FGF17: variants seen among roughly 807,000 people sequenced by gnomAD.
FGF17 encodes the protein fibroblast growth factor 17.
FGF17 carries 5 observed loss-of-function variants against 23.5 expected under a neutral mutation model. That is an observed-to-expected ratio of 0.21 (90% CI 0.11 to 0.45). The LOEUF (loss-of-function observed/expected upper bound fraction) is 0.45, where lower values mean the gene tolerates loss of function less well. FGF17 is among the 20% of genes least tolerant of loss of function. The probability of loss-of-function intolerance (pLI) is 0.99; values close to 1 mark genes in which losing one functional copy is unlikely to be tolerated. For missense variants in FGF17, 221 were observed against 306.9 expected (o/e 0.72, Z 2.09); for synonymous variants, 136 against 123.0 (o/e 1.11, Z -0.70).
At chr8:22,043,600 A>T (rs75166513) in intron 2 of FGF17, among the ~76,000 whole-genome samples, 6 of 152,212 alleles carry the variant, frequency 3.9e-5, no homozygotes, top group Admixed American at 2.0e-4. Flanking sequence ...ATCAATATGG[A>T]TGCCTGGGGT....
chr8:22,048,264 G>T lies in FGF17; in HGVS notation c.*15G>T. 1 of 1,577,890 alleles carries T rather than the reference G, an allele frequency of 6.3e-7. No individual in the cohort carries two copies. Among genetic ancestry groups the T allele is most frequent in the Non-Finnish European group, 8.6e-7 (1 of 1,160,472 alleles). ...CCCTCACGTAGTCTGGGAGGCAGGG[G>T]GCAGCAGCCCCTGGGCCGCCTCCCC... On this transcript the variant is annotated 3_prime_UTR_variant, in exon 5 of 5. Coordinates refer to ENST00000359441, the MANE Select transcript of FGF17 (RefSeq NM_003867.4). The surrounding 1 kb of genome is among the most constrained non-coding windows in gnomAD (Gnocchi z 6.9).
upstream of FGF17, chr8:22,042,545 CTG>C (rs1358484044): frequency 2.7e-6 from 1 of 369,406 alleles, no homozygotes; most frequent in East Asian, 5.2e-5. Context: ...TTTGGCCAGT[CTG>C]TGAGGGTCAG....
rs1800761237 is a variant in FGF17 at position 22,042,824 on chromosome 8, C to T, written c.-105C>T. 1 of 1,220,920 alleles carries T rather than the reference C, an allele frequency of 8.2e-7. No individual in the cohort carries two copies. Among genetic ancestry groups the T allele is most frequent in the Admixed American group, 1.9e-5 (1 of 52,178 alleles). The allele number at this position is 1,220,920 out of a possible 1,614,324, so 75.6% of individuals were successfully genotyped here. A position where few individuals can be genotyped will look rare whatever the true frequency, so the allele number is the denominator to read the frequency against. ...TCCTCGCCCCCCTGAAAACCTGTGG[C>T]TCGGAGAGACCTTGGCTTCTCTGGG... On this transcript the variant is annotated 5_prime_UTR_variant, in exon 1 of 5. Transcript: ENST00000359441.
Position 22,048,358 on chromosome 8 carries a change from G to A in FGF17, c.*109G>A. On this transcript the variant is annotated 3_prime_UTR_variant, in exon 5 of 5. Coordinates refer to ENST00000359441, the MANE Select transcript of FGF17 (RefSeq NM_003867.4). This position sits in a 1 kb window ranked among gnomAD's most constrained non-coding sequence, Gnocchi z 6.9. ...GAGGGGAGCCAGATCCCCGAGGGAG[G>A]ACCCTGAGGGCCGCGAAGCATCCGA... is the stretch of plus-strand genomic sequence containing the variant. 4.0e-6 allele frequency: 4 copies of A among 1,009,410 alleles called. No individual in the cohort carries two copies. The South Asian group carries it at 5.1e-5, about 13-fold the overall frequency. 62.5% of individuals were successfully genotyped at this position (1,009,410 alleles called of 1,614,324 possible). A position where few individuals can be genotyped will look rare whatever the true frequency, so the allele number is the denominator to read the frequency against.
rs913510148 is a variant in FGF17, at chr8:22,044,624, G to A, written c.72+1443G>A. 2.0e-5 allele frequency: 19 copies of A among 956,294 alleles called. No homozygotes were observed. In the African/African-American group the frequency reaches 3.3e-4, roughly 17 times the overall value. The allele number at this position is 956,294 out of a possible 1,614,324, so 59.2% of individuals were successfully genotyped here. A position where few individuals can be genotyped will look rare whatever the true frequency, so the allele number is the denominator to read the frequency against. On this transcript the variant is annotated intron_variant, in intron 2 of 4. Coordinates refer to ENST00000359441, the MANE Select transcript of FGF17 (RefSeq NM_003867.4). ...ATAGGCAGGACCCCACCCCCTGGAAGGGAGGCCAGCGTGGGGCAGGCTGGG... is the reference window on the plus strand; with the variant it reads ...ATAGGCAGGACCCCACCCCCTGGAAAGGAGGCCAGCGTGGGGCAGGCTGGG...
intron 2 of FGF17, chr8:22,045,710 T>C: frequency 9.0e-7 from 1 of 1,112,730 alleles, no homozygotes; most frequent in Non-Finnish European, 1.1e-6. Context: ...GTCCTTGGAG[T>C]TCTGGGGGAG....
At chr8:22,042,691 G>T, upstream of FGF17, 1 of 604,474 alleles carries the variant, frequency 1.7e-6, no homozygotes, top group Non-Finnish European at 2.9e-6. Context: ...CTGCTTTGCA[G>T]CCTCACTGGC....
chr8:22,042,928 G>T lies in FGF17; in HGVS notation c.-1G>T. On this transcript the variant is annotated 5_prime_UTR_variant, in exon 1 of 5. Coordinates refer to ENST00000359441, the MANE Select transcript of FGF17 (RefSeq NM_003867.4). ...CAACCGCCTGAGGAACCTCTCCAGC[G>T]ATGGGAGCCGCCCGCCTGCTGCCCA... 2 of 1,613,392 alleles carry T rather than the reference G, an allele frequency of 1.2e-6. No homozygotes were observed. The highest frequency in any genetic ancestry group is 2.2e-5 in the East Asian group (1 of 44,858).
At position 22,046,128 on chromosome 8, in the gene FGF17, G is replaced by T. The variant is rs552877908; in HGVS notation, c.87G>T (p.Pro29=). 6.2e-7 allele frequency: 1 copy of T among 1,614,134 alleles called. No individual in the cohort carries two copies. Among genetic ancestry groups the T allele is most frequent in the Non-Finnish European group, 8.5e-7 (1 of 1,180,036 alleles). ...TAACCGCAAAGGGGGAGAATCACCC[G>T]TCTCCTAATTTTAACCAGTACGTGA... The part of the protein sequence containing the change: ...LCCQTQGENH[P]SPNFNQYVRD... Residue 29 remains proline (P), a synonymous_variant, in exon 3 of 5, where the codon CCG becomes CCT. Coordinates refer to ENST00000359441, the MANE Select transcript of FGF17 (RefSeq NM_003867.4).
chr8:22,042,132 G>A (rs553323743), upstream of FGF17, among the ~76,000 whole-genome samples: 4 of 152,350 alleles, frequency 2.6e-5, no homozygotes, highest in South Asian at 8.3e-4. Context: ...AAGGGGCTTA[G>A]GCCAGGACAC....
At chr8:22,045,420 C>A in intron 2 of FGF17, 1 of 991,044 alleles carries the variant, frequency 1.0e-6, no homozygotes, top group Middle Eastern at 4.2e-4. Context: ...CCAGCCCCAG[C>A]CCCAGCTCCA....
chr8:22,040,968 C>G (rs1359148640), upstream of FGF17, among the ~76,000 whole-genome samples: 1 of 152,144 alleles, frequency 6.6e-6, no homozygotes, highest in Non-Finnish European at 1.5e-5. Context: ...AGGGGGAAAG[C>G]AGAGAGGTGG....
rs1442052646 is a variant in FGF17 at position 22,046,590 on chromosome 8, A to G, written c.314A>G (p.Glu105Gly). 2 of 1,613,912 alleles carry G rather than the reference A, an allele frequency of 1.2e-6. No homozygotes were observed. Among genetic ancestry groups the G allele is most frequent in the Non-Finnish European group, 1.7e-6 (2 of 1,179,894 alleles). Residue 105 changes from glutamate (E) to glycine (G), a missense_variant, in exon 4 of 5, where the codon GAG becomes GGG. Around this residue, in one of 3 missense-constraint regions of FGF17, gnomAD observed 58 missense variants for 121.0 expected, o/e 0.48. Transcript: ENST00000359441. ...GTTCGCATCAAAGGGGCTGAGAGTG[A>G]GAAGTACATCTGTATGAACAAGAGG... ...SRVRIKGAESEKYICMNKRGK... is the reference protein window; with the variant it reads ...SRVRIKGAESGKYICMNKRGK...
chr8:22,044,190 G>A (rs1425326831), intron 2 of FGF17, among the ~76,000 whole-genome samples: 1 of 152,096 alleles, frequency 6.6e-6, no homozygotes, highest in Non-Finnish European at 1.5e-5. Flanking sequence ...GGCTGGCCGG[G>A]CGTTTATGGC....
At chr8:22,044,675 G>C in intron 2 of FGF17, 1 of 985,708 alleles carries the variant, frequency 1.0e-6, no homozygotes. Context: ...AAATGCTCCA[G>C]GGTGGGGCGA....
Position 22,042,835 on chromosome 8 carries a change from C to A in FGF17, c.-94C>A. 2 of 1,373,102 alleles carry A rather than the reference C, an allele frequency of 1.5e-6. No homozygotes were observed. The highest frequency in any genetic ancestry group is 2.0e-6 in the Non-Finnish European group (2 of 978,996). The allele number at this position is 1,373,102 out of a possible 1,614,324, so 85.1% of individuals were successfully genotyped here. On this transcript the variant is annotated 5_prime_UTR_variant, in exon 1 of 5. Transcript: ENST00000359441. ...CTGAAAACCTGTGGCTCGGAGAGACCTTGGCTTCTCTGGGACTCTACCCCT... is the reference window on the plus strand; with the variant it reads ...CTGAAAACCTGTGGCTCGGAGAGACATTGGCTTCTCTGGGACTCTACCCCT...
At chr8:22,046,869 C>T (rs1022876372) in intron 4 of FGF17, among the ~76,000 whole-genome samples, 14 of 152,080 alleles carry the variant, frequency 9.2e-5, no homozygotes, top group African/African-American at 3.4e-4. Context: ...CAGCTTTGTA[C>T]TCCTGGGCTC....
upstream of FGF17, among the ~76,000 whole-genome samples, chr8:22,040,839 G>A (rs1204945877): frequency 6.6e-6 from 1 of 152,260 alleles, no homozygotes; most frequent in African/African-American, 2.4e-5. Flanking sequence ...TGGTGAGGAT[G>A]TGGATGTGAG....
Position 22,048,191 on chromosome 8 carries a change from T to G in FGF17, c.593T>G (p.Val198Gly). 6.2e-7 allele frequency: 1 copy of G among 1,612,388 alleles called. No individual in the cohort carries two copies. Residue 198 changes from valine to glycine, a missense_variant, in exon 5 of 5, where the codon GTG (valine) becomes GGG (glycine). By Grantham distance (109) the Val-to-Gly change is moderately radical. Coordinates refer to ENST00000359441, the MANE Select transcript of FGF17 (RefSeq NM_003867.4). This position sits in a 1 kb window ranked among gnomAD's most constrained non-coding sequence, Gnocchi z 6.9. ...GAGAAGCAGAAGCAGTTCGAGTTTG[T>G]GGGCTCCGCCCCCACCCGCCGGACC... ...HAEKQKQFEF[V>G]GSAPTRRTKR...
Sources: allele counts gnomAD v4.1 joint callset (sites outside exome capture counted in the v4.1 genomes callset), GRCh38; gene constraint gnomAD v4.1.1; regional missense constraint gnomAD v4.1.1; non-coding constraint Gnocchi (gnomAD v3.1); transcripts MANE v1.5; gene names NCBI Gene and HGNC (gene_info 2026-07-23, HGNC 2026-07-21).